Variants in PPFIBP2 observed in about 807,000 individuals in gnomAD.
PPFIBP2 encodes liprin-beta-2.
In PPFIBP2, 118 loss-of-function variants were observed where a neutral mutation model predicts 118.3. The ratio of observed to expected loss-of-function variants is 1.00; its 90% CI spans 0.86 to 1.16. The LOEUF (loss-of-function observed/expected upper bound fraction) is 1.16, where lower values mean the gene tolerates loss of function less well. Among genes scored for constraint, PPFIBP2 ranks in the 50% most tolerant of loss-of-function variants. The probability of loss-of-function intolerance (pLI) is 0.00; values close to 1 mark genes in which losing one functional copy is unlikely to be tolerated. For missense variants in PPFIBP2, 1,195 were observed against 1,073.1 expected, an observed-to-expected ratio of 1.11 and a Z score of -1.59; for synonymous variants, 414 against 397.4, an observed-to-expected ratio of 1.04 and a Z score of -0.50.
At chr11:7,632,963 C>G in intron 12 of PPFIBP2, 29 bp downstream of exon 12, 2 of 1,598,658 alleles carry the variant, frequency 1.3e-6, no homozygotes, top group Non-Finnish European at 1.7e-6. Flanking sequence ...TCCCCACAGC[C>G]ACTGTGCTCT....
intron 2 of PPFIBP2, among the ~76,000 whole-genome samples, chr11:7,552,366 G>A (rs1332377383): frequency 1.3e-5 from 2 of 152,164 alleles, no homozygotes; most frequent in African/African-American, 4.8e-5. Context: ...TCATCATGTT[G>A]AATCTTTTCT....
chr11:7,613,035 A>G (rs1848247751), intron 6 of PPFIBP2, among the ~76,000 whole-genome samples: 1 of 152,116 alleles, frequency 6.6e-6, no homozygotes, highest in African/African-American at 2.4e-5. Context: ...TGTTTTTTCC[A>G]GTGAGTGTAT....
intron 3 of PPFIBP2, among the ~76,000 whole-genome samples, chr11:7,587,587 A>T (rs983664568): frequency 1.3e-5 from 2 of 152,230 alleles, no homozygotes. Context: ...TGCACCGGGG[A>T]TGAGAATGCC....
At chr11:7,520,370 C>G (rs12289412) in intron 1 of PPFIBP2, among the ~76,000 whole-genome samples, 3 of 152,050 alleles carry the variant, frequency 2.0e-5, no homozygotes, top group African/African-American at 4.8e-5. Flanking sequence ...GCTGTTTTGC[C>G]GACGCACGCT....
chr11:7,562,298 C>G (rs1027938511), intron 2 of PPFIBP2, among the ~76,000 whole-genome samples: 4 of 152,216 alleles, frequency 2.6e-5, no homozygotes, highest in African/African-American at 9.6e-5. Flanking sequence ...GGTAGAAGGG[C>G]TTAGTTCCTT....
At chr11:7,596,060 G>A (rs1048484429) in intron 4 of PPFIBP2, among the ~76,000 whole-genome samples, 10 of 152,018 alleles carry the variant, frequency 6.6e-5, no homozygotes, top group South Asian at 4.1e-4. Context: ...TAGAATCAGC[G>A]TTGAGGTTCA....
At chr11:7,624,886 G>A (rs142138390) in intron 7 of PPFIBP2, among the ~76,000 whole-genome samples, 18 of 152,288 alleles carry the variant, frequency 1.2e-4, no homozygotes, top group African/African-American at 4.1e-4. Context: ...CTTGCTCAAG[G>A]TCACCCAACT....
At chr11:7,598,528 C>A (rs151187509) in intron 5 of PPFIBP2, 2 of 154,364 alleles carry the variant, frequency 1.3e-5, no homozygotes, top group African/African-American at 4.8e-5. Flanking sequence ...TATATCTAAT[C>A]TTAAATTTTC....
At chr11:7,614,139 A>G (rs767465677) in intron 6 of PPFIBP2, among the ~76,000 whole-genome samples, 2 of 151,930 alleles carry the variant, frequency 1.3e-5, no homozygotes, top group Non-Finnish European at 1.5e-5. Flanking sequence ...TCTTGTTTTT[A>G]TTTTCTTTAT....
At chr11:7,639,121 C>G (rs1000471486) in intron 14 of PPFIBP2, among the ~76,000 whole-genome samples, 1 of 152,200 alleles carries the variant, frequency 6.6e-6, no homozygotes, top group Non-Finnish European at 1.5e-5. Context: ...TAGCCGCTCT[C>G]AGGCAAGATC....
In PPFIBP2 at chr11:7,616,470, A is replaced by AAG. The variant is rs1317268468; in HGVS notation, c.619-4465_619-4464insAG. 6.6e-6 allele frequency among the ~76,000 whole-genome samples: 1 copy of AAG among 152,248 alleles called. No individual in the cohort carries two copies. The highest frequency in any genetic ancestry group is 2.4e-5 in the African/African-American group (1 of 41,466). ...GTGTCCTCAAGGAGTGAGTCTCGTCAGATTGGCCTTATCGGTTTGGCCGGG... is the reference window on the plus strand; with the variant it reads ...GTGTCCTCAAGGAGTGAGTCTCGTCAAGGATTGGCCTTATCGGTTTGGCCGGG... On this transcript the variant is annotated intron_variant, in intron 6 of 23. Transcript: ENST00000299492. This position sits in a 1 kb window ranked among gnomAD's most constrained non-coding sequence, Gnocchi z 5.2.
chr11:7,520,812 T>C (rs1849692579), intron 1 of PPFIBP2, among the ~76,000 whole-genome samples: 1 of 152,204 alleles, frequency 6.6e-6, no homozygotes, highest in Middle Eastern at 3.2e-3. Flanking sequence ...CTTAGTATCA[T>C]TTTTTGGTTC....
chr11:7,626,931 C>T (rs1375926300), intron 8 of PPFIBP2, among the ~76,000 whole-genome samples: 1 of 152,228 alleles, frequency 6.6e-6, no homozygotes, highest in Non-Finnish European at 1.5e-5. Flanking sequence ...ATGTGCTCGT[C>T]CCTCTCCGAG....
intron 5 of PPFIBP2, among the ~76,000 whole-genome samples, chr11:7,608,256 C>G (rs1254250231): frequency 6.6e-6 from 1 of 152,146 alleles, no homozygotes; most frequent in Non-Finnish European, 1.5e-5. Context: ...TTAAATGTCT[C>G]TTAAAATGCT....
At chr11:7,654,473 G>T (rs1418939105), downstream of PPFIBP2, among the ~76,000 whole-genome samples, 1 of 152,242 alleles carries the variant, frequency 6.6e-6, no homozygotes, top group East Asian at 1.9e-4. Context: ...CCATTCCATT[G>T]TAGCACTCTG....
chr11:7,571,851 G>C (rs555548540), intron 3 of PPFIBP2: 1 of 152,318 alleles, frequency 6.6e-6, no homozygotes, highest in East Asian at 1.9e-4. Context: ...GAAGCCACTA[G>C]GTGGGAGTCA....
chr11:7,579,007 G>C (rs1234711782), intron 3 of PPFIBP2, among the ~76,000 whole-genome samples: 1 of 151,936 alleles, frequency 6.6e-6, no homozygotes, highest in African/African-American at 2.4e-5. Flanking sequence ...TTTGTGTGCT[G>C]GGGGACTTGT....
intron 1 of PPFIBP2, among the ~76,000 whole-genome samples, chr11:7,524,641 A>T (rs1408859727): frequency 6.6e-6 from 1 of 152,148 alleles, no homozygotes; most frequent in Non-Finnish European, 1.5e-5. Flanking sequence ...CATAAATGCT[A>T]AACTGGGTGG....
chr11:7,610,378 GAGA>G lies in PPFIBP2; in HGVS notation c.577_579del (p.Lys193del). 7 of 1,614,174 alleles carry G rather than the reference GAGA, an allele frequency of 4.3e-6. No individual in the cohort carries two copies. The highest frequency in any genetic ancestry group is 5.9e-6 in the Non-Finnish European group (7 of 1,180,032). ...GCTGAAGCTCAAGCTGGTTGGCATG[GAGA>G]AGGAGCAGAGAGAGCAGGAGGAGAA... On this transcript the variant is annotated inframe_deletion, in exon 6 of 24. Transcript: ENST00000299492.
Sources: gnomAD v4.1 joint callset for allele counts (sites outside exome capture counted in the v4.1 genomes callset) on GRCh38, gnomAD v4.1.1 for gene constraint, Gnocchi (gnomAD v3.1) non-coding constraint, MANE v1.5 for transcripts, NCBI Gene and HGNC (gene_info 2026-07-23, HGNC 2026-07-21) for gene names.